GET4: variants seen among roughly 807,000 people sequenced by gnomAD.
GET4 encodes the protein guided entry of tail-anchored proteins factor 4.
Under a neutral mutation model 40.0 loss-of-function variants are expected in GET4, and 20 were observed. That is an observed-to-expected ratio of 0.50 (90% CI 0.35 to 0.73). The LOEUF (loss-of-function observed/expected upper bound fraction) is 0.73. Ranked by LOEUF, GET4 falls within the 30% of genes least tolerant of loss-of-function variation. The probability of loss-of-function intolerance (pLI) is 0.01; values close to 1 mark genes in which losing one functional copy is unlikely to be tolerated. For missense variants in GET4, 557 were observed against 454.0 expected (o/e 1.23, Z -2.06); for synonymous variants, 280 against 194.6 (o/e 1.44, Z -3.65).
rs775746160 is a variant in GET4, at chr7:895,390, C to A, written c.952C>A (p.Pro318Thr). Residue 318 changes from proline to threonine, a missense_variant, in exon 9 of 9, where the codon CCC becomes ACC. Pro to Thr is a conservative substitution (Grantham distance 38, BLOSUM62 -1). Coordinates refer to ENST00000265857, the MANE Select transcript of GET4 (RefSeq NM_015949.3). Reference protein sequence around the residue: ...SSEQEDGEESPSDGSPIELD With the variant: ...SSEQEDGEESTSDGSPIELD ...AGAGCAGGAGGATGGGGAGGAGAGC[C>A]CCAGCGACGGCAGCCCCATCGAGCT... 5 of 1,596,340 alleles carry A rather than the reference C, an allele frequency of 3.1e-6. No individual in the cohort carries two copies. The South Asian group carries it at 4.4e-5, about 14-fold the overall frequency.
intron 1 of GET4, chr7:885,298 T>G (rs1844164803): frequency 6.6e-6 from 1 of 152,274 alleles, no homozygotes; most frequent in Non-Finnish European, 1.5e-5. Flanking sequence ...AAGCAGAGGC[T>G]GCCTCCTGCC....
chr7:879,968 T>G (rs955301822), intron 1 of GET4: 1 of 152,206 alleles, frequency 6.6e-6, no homozygotes, highest in Non-Finnish European at 1.5e-5. Flanking sequence ...GGGCCAGCCA[T>G]AGAGCTGTGT....
At chr7:877,560 T>C (rs935984569) in intron 1 of GET4, among the ~76,000 whole-genome samples, 1 of 115,510 alleles carries the variant, frequency 8.7e-6, no homozygotes, top group African/African-American at 3.5e-5. Flanking sequence ...CCTACCACTG[T>C]CCTCGTCCCT....
chr7:877,694 G>A (rs1843991981), intron 1 of GET4, among the ~76,000 whole-genome samples: 2 of 83,788 alleles, frequency 2.4e-5, no homozygotes, highest in East Asian at 3.2e-4. Flanking sequence ...CCCTGTCCCA[G>A]ATCTCCCTGC....
At chr7:892,565 G>A (rs2128629407) in intron 6 of GET4, 147 bp downstream of exon 6, 2 of 743,604 alleles carry the variant, frequency 2.7e-6, no homozygotes, top group South Asian at 1.8e-5. Flanking sequence ...TGAGTGCTGG[G>A]TGTAGACGTG....
chr7:884,557 G>T (rs77393797), intron 1 of GET4: 5,615 of 329,574 alleles, frequency 0.017, 175 homozygotes, highest in East Asian at 0.14. Flanking sequence ...GGTCTCCTGT[G>T]GGGGGAGGGC....
intron 7 of GET4, 26 bp from the exon 8 acceptor site, chr7:893,873 C>A: frequency 1.2e-6 from 2 of 1,611,904 alleles, no homozygotes; most frequent in South Asian, 1.1e-5. Context: ...TCCACCCCCT[C>A]TGAGCCCGCT....
intron 4 of GET4, among the ~76,000 whole-genome samples, chr7:888,336 T>C (rs557600744): frequency 3.2e-4 from 48 of 152,210 alleles, no homozygotes; most frequent in Non-Finnish European, 3.8e-4. Flanking sequence ...TCTGCACACA[T>C]CAGCAGCCCA....
rs1369013056 is a variant in GET4, at chr7:887,386, G to A, written c.333G>A (p.Val111=). Residue 111 remains valine, a synonymous_variant, in exon 4 of 9, where the codon GTG becomes GTA. Transcript: ENST00000265857. ...TGTTTGCAGAAAATCTGGCTAAAGT[G>A]TTCAGCCTGATGGACCCCAACTCTC... The part of the protein sequence containing the change: ...ADELLENLAK[V]FSLMDPNSPE... 1 of 1,592,404 alleles carries A rather than the reference G, an allele frequency of 6.3e-7. No individual in the cohort carries two copies. The highest frequency in any genetic ancestry group is 1.1e-5 in the South Asian group (1 of 88,676).
At position 876,754 on chromosome 7, in the gene GET4, G is replaced by A; in HGVS notation, c.109G>A (p.Gly37Ser). ...EGKLRASVEK[G>S]DYYEAHQMYR... ...CAAGCTGCGCGCCAGCGTCGAGAAGGGCGACTACTACGAGGCGCACCAGAT... is the reference window on the plus strand; with the variant it reads ...CAAGCTGCGCGCCAGCGTCGAGAAGAGCGACTACTACGAGGCGCACCAGAT... Residue 37 changes from glycine to serine, a missense_variant, in exon 1 of 9, where the codon GGC (glycine) becomes AGC (serine). Physicochemically the swap from Gly to Ser is moderately conservative, Grantham distance 56. Transcript: ENST00000265857. 3 of 1,369,228 alleles carry A rather than the reference G, an allele frequency of 2.2e-6. No homozygotes were observed. The highest frequency in any genetic ancestry group is 2.9e-6 in the Non-Finnish European group (3 of 1,047,234). 84.8% of individuals were successfully genotyped at this position (1,369,228 alleles called of 1,614,324 possible).
chr7:878,318 C>T (rs183172339), intron 1 of GET4: 2 of 471,134 alleles, frequency 4.2e-6, no homozygotes, highest in Non-Finnish European at 4.4e-6. Context: ...GCAGAATGTT[C>T]AGTTGTTCTG....
At chr7:892,231 A>C in intron 5 of GET4, 47 bp from the exon 6 acceptor site, 3 of 1,574,886 alleles carry the variant, frequency 1.9e-6, no homozygotes, top group Non-Finnish European at 2.6e-6. Context: ...TGCGGGCAGA[A>C]GCTGTGTCCT....
chr7:894,151 C>CA lies in GET4; in HGVS notation c.895+181dup, dbSNP rs532936227. Among the ~76,000 whole-genome samples, 17 of 152,328 alleles carry CA rather than the reference C, an allele frequency of 1.1e-4. No homozygotes were observed. The South Asian group carries it at 3.3e-3, about 30-fold the overall frequency. On this transcript the variant is annotated intron_variant, in intron 8 of 8. Coordinates refer to ENST00000265857, the MANE Select transcript of GET4 (RefSeq NM_015949.3). ...TAGATTTCAGAGTTGAGAATTCTGG[C>CA]ACGGTGGCTCGCAGCCCCGTCTCCA...
chr7:887,309 T>C (rs899774615), intron 3 of GET4, 61 bp from the exon 4 acceptor site: 125 of 1,495,912 alleles, frequency 8.4e-5, no homozygotes, highest in Non-Finnish European at 9.0e-5. Flanking sequence ...CTGTGGGGAA[T>C]GTGGGACAGA....
At position 877,643 on chromosome 7, in the gene GET4, T is replaced by C. The variant is rs572396111; in HGVS notation, c.155+843T>C. ...TCTCCCGTAGTCTCCCCAACTCCGC[T>C]TCCTTCCGCCGGGCCTTCACCTGCT... On this transcript the variant is annotated intron_variant, in intron 1 of 8. Coordinates refer to ENST00000265857, the MANE Select transcript of GET4 (RefSeq NM_015949.3). Among the ~76,000 whole-genome samples the C allele has an allele frequency of 2.7e-3, 222 of 82,078 alleles. 2 individuals carry two copies. Among genetic ancestry groups the C allele is most frequent in the African/African-American group, 0.011 (214 of 18,902 alleles). The allele number at this position is 82,078 out of a possible 152,430, so 53.8% of individuals were successfully genotyped here. A position where few individuals can be genotyped will look rare whatever the true frequency, so the allele number is the denominator to read the frequency against.
At chr7:877,417 C>A (rs1217930000) in intron 1 of GET4, among the ~76,000 whole-genome samples, 5 of 123,564 alleles carry the variant, frequency 4.0e-5, no homozygotes, top group Non-Finnish European at 8.7e-5. Context: ...TCTCTCTCCC[C>A]GGCCTCCCCC....
chr7:893,405 CGGT>C (rs1298351506), intron 6 of GET4, among the ~76,000 whole-genome samples: 1 of 52,684 alleles, frequency 1.9e-5, no homozygotes, highest in African/African-American at 7.8e-5. Context: ...GGCGTGGGCG[CGGT>C]GGTGTGTGCA....
Position 879,005 on chromosome 7 carries a change from C to T in GET4, c.155+2205C>T, listed in dbSNP as rs528606237. Among the ~76,000 whole-genome samples the T allele has an allele frequency of 3.9e-5, 6 of 152,148 alleles. No homozygotes were observed. The South Asian group carries it at 8.3e-4, about 21-fold the overall frequency. On this transcript the variant is annotated intron_variant, in intron 1 of 8. Transcript: ENST00000265857. ...CCCCCCGAGTAGAGTCCCTCAGGGA[C>T]CCATCACTCACATCGGGGTGCATGC...
chr7:888,708 C>G (rs1174400552), intron 4 of GET4, among the ~76,000 whole-genome samples: 1 of 152,262 alleles, frequency 6.6e-6, no homozygotes, highest in Non-Finnish European at 1.5e-5. Context: ...TACCTGCTGC[C>G]GCCTTCCCTG....
Sources: gnomAD v4.1 joint callset for allele counts (sites outside exome capture counted in the v4.1 genomes callset) on GRCh38, gnomAD v4.1.1 for gene constraint, MANE v1.5 for transcripts, NCBI Gene and HGNC (gene_info 2026-07-23, HGNC 2026-07-21) for gene names.